Variants in ZNF33B observed in about 807,000 individuals in gnomAD.
ZNF33B encodes the protein zinc finger protein 11b (KOX 2).
In ZNF33B, 29 loss-of-function variants were observed where a neutral mutation model predicts 45.8. The observed-to-expected ratio is 0.63, with a 90% CI of 0.47 to 0.86. ZNF33B has a LOEUF of 0.86. Ranked by LOEUF, ZNF33B falls within the 40% of genes least tolerant of loss-of-function variation. The pLI, the probability that ZNF33B is intolerant of heterozygous loss-of-function variation, is 0.00. For synonymous variants in ZNF33B, 305 were observed against 307.8 expected, an observed-to-expected ratio of 0.99 and a Z score of 0.10; for missense variants, 831 against 909.9, an observed-to-expected ratio of 0.91 and a Z score of 1.12.
At position 42,638,477 on chromosome 10, in the gene ZNF33B, A is replaced by C. The variant is rs1430105262; in HGVS notation, c.-48T>G. The C allele has an allele frequency of 6.9e-6, 3 of 435,672 alleles. No individual in the cohort carries two copies. Among genetic ancestry groups the C allele is most frequent in the South Asian group, 5.0e-5 (3 of 60,008 alleles). 27.0% of individuals were successfully genotyped at this position (435,672 alleles called of 1,614,324 possible). The stretch of plus-strand genomic sequence containing the variant: ...TGCCCAACCCGCGGAGGCTTACCTC[A>C]CTCTCTCTTCGGGTTGCATTCGCCA... On this transcript the variant is annotated 5_prime_UTR_variant, in exon 1 of 5. Coordinates refer to ENST00000359467, the MANE Select transcript of ZNF33B (RefSeq NM_006955.3).
chr10:42,614,507 C>CA (rs1838231292), intron 4 of ZNF33B: 1 of 152,398 alleles, frequency 6.6e-6, no homozygotes, highest in African/African-American at 2.4e-5. Flanking sequence ...ACAGCTGTTG[C>CA]AAACATACCA....
chr10:42,616,040 A>G (rs1405294175), intron 4 of ZNF33B, among the ~76,000 whole-genome samples: 1 of 152,072 alleles, frequency 6.6e-6, no homozygotes, highest in African/African-American at 2.4e-5. Context: ...CCTGGCCAAC[A>G]TGGTGAAAAT....
chr10:42,636,739 G>T, intron 2 of ZNF33B, 181 bp downstream of exon 2: 1 of 754,802 alleles, frequency 1.3e-6, no homozygotes, highest in Non-Finnish European at 2.1e-6. Context: ...TGAATTGCTT[G>T]AACCCAGGAG....
chr10:42,596,729 A>T lies in ZNF33B; in HGVS notation c.251-2030T>A, dbSNP rs1301987290. Among the ~76,000 whole-genome samples, 12 of 152,166 alleles carry T rather than the reference A, an allele frequency of 7.9e-5. No individual in the cohort carries two copies. In the South Asian group the frequency reaches 1.4e-3, roughly 18 times the overall value. Reference sequence around the variant, plus strand: ...GCAAATAGAACTTTTAAAAATTGCAATTTCCAATTGATCATTTCTTATAGA... The same window carrying T: ...GCAAATAGAACTTTTAAAAATTGCATTTTCCAATTGATCATTTCTTATAGA... On this transcript the variant is annotated intron_variant, in intron 4 of 4. Transcript: ENST00000359467.
chr10:42,617,837 G>GGCT (rs3078019), intron 4 of ZNF33B, among the ~76,000 whole-genome samples: 116,892 of 151,738 alleles, frequency 0.77, 45,789 homozygotes, highest in East Asian at 0.88. Flanking sequence ...TGTGATAATT[G>GGCT]GCTAATAGAT....
In ZNF33B at chr10:42,632,357, G is replaced by C; in HGVS notation, c.92C>G (p.Pro31Arg). 3.1e-6 allele frequency: 5 copies of C among 1,613,632 alleles called. No homozygotes were observed. The highest frequency in any genetic ancestry group is 1.3e-5 in the African/African-American group (1 of 74,952). The part of the protein sequence containing the change: ...FTQEEWQHLD[P>R]SQRALYRDVM... ...ATCTCTATACAGAGCCCTCTGACTA[G>C]GGTCCAGGTGCTGCCACTCCTCCTG... The change falls in exon 3 of 5, where the codon CCT becomes CGT. Residue 31 changes from proline (P) to arginine (R), a missense_variant. By Grantham distance (103) the Pro-to-Arg change is moderately radical. Coordinates refer to ENST00000359467, the MANE Select transcript of ZNF33B (RefSeq NM_006955.3).
chr10:42,631,992 T>C lies in ZNF33B; in HGVS notation c.187A>G (p.Arg63Gly), dbSNP rs1839079433. 3 of 1,614,006 alleles carry C rather than the reference T, an allele frequency of 1.9e-6. No homozygotes were observed. The highest frequency in any genetic ancestry group is 2.2e-5 in the South Asian group (2 of 91,094). The change falls in exon 4 of 5, where the codon AGG becomes GGG. Residue 63 changes from arginine to glycine, a missense_variant. Coordinates refer to ENST00000359467, the MANE Select transcript of ZNF33B (RefSeq NM_006955.3). ...YCAHKPEVIF[R>G]LEQGEEPWRL... ...CATGGTTCTTCTCCTTGTTCCAGCCTGAAGATCACCTCTGGTTTGTGAGCA... is the reference window on the plus strand; with the variant it reads ...CATGGTTCTTCTCCTTGTTCCAGCCCGAAGATCACCTCTGGTTTGTGAGCA...
chr10:42,576,861 C>T (rs530636300), intron 1 of ZNF33B, among the ~76,000 whole-genome samples: 3 of 152,032 alleles, frequency 2.0e-5, no homozygotes, highest in South Asian at 2.1e-4. Context: ...GGCCGGGCGC[C>T]GTGGCTCATG....
chr10:42,610,493 G>A (rs960533386), intron 4 of ZNF33B, among the ~76,000 whole-genome samples: 3 of 152,106 alleles, frequency 2.0e-5, no homozygotes, highest in African/African-American at 4.8e-5. Flanking sequence ...AGCCAAGATC[G>A]CGCCATTGCA....
At chr10:42,625,815 T>C (rs563585605) in intron 4 of ZNF33B, among the ~76,000 whole-genome samples, 1 of 152,340 alleles carries the variant, frequency 6.6e-6, no homozygotes, top group Non-Finnish European at 1.5e-5. Flanking sequence ...ATTCTACATA[T>C]ACAGTCATGT....
downstream of ZNF33B, among the ~76,000 whole-genome samples, chr10:42,586,249 G>A (rs969630474): frequency 2.0e-5 from 3 of 148,916 alleles, no homozygotes; most frequent in African/African-American, 7.6e-5. Flanking sequence ...CGCCTCCCAG[G>A]TTCACGCCAT....
Position 42,592,488 on chromosome 10 carries a change from T to A in ZNF33B, c.*125A>T. On this transcript the variant is annotated 3_prime_UTR_variant, in exon 5 of 5. Coordinates refer to ENST00000359467, the MANE Select transcript of ZNF33B (RefSeq NM_006955.3). ...TTTATCCCCTACTGTTACTTTGGAGTAACATAAGGCGAGTTTGTGGATAGT... is the reference window on the plus strand; with the variant it reads ...TTTATCCCCTACTGTTACTTTGGAGAAACATAAGGCGAGTTTGTGGATAGT... 7.5e-7 allele frequency: 1 copy of A among 1,330,502 alleles called. No homozygotes were observed. Among genetic ancestry groups the A allele is most frequent in the African/African-American group, 1.5e-5 (1 of 67,950 alleles). The allele number at this position is 1,330,502 out of a possible 1,614,324, so 82.4% of individuals were successfully genotyped here.
chr10:42,619,015 C>G (rs1371776997), intron 4 of ZNF33B, among the ~76,000 whole-genome samples: 2 of 151,906 alleles, frequency 1.3e-5, no homozygotes, highest in Non-Finnish European at 2.9e-5. Context: ...CTTTGCATAT[C>G]TCATTTTGTT....
intron 1 of ZNF33B, among the ~76,000 whole-genome samples, chr10:42,638,123 G>A (rs573398878): frequency 6.6e-6 from 1 of 152,344 alleles, no homozygotes; most frequent in Middle Eastern, 3.4e-3. Context: ...GACTGCACCC[G>A]CCCTTTCCTA....
At chr10:42,618,031 C>A (rs1838402974) in intron 4 of ZNF33B, among the ~76,000 whole-genome samples, 1 of 152,152 alleles carries the variant, frequency 6.6e-6, no homozygotes, top group African/African-American at 2.4e-5. Flanking sequence ...CTTTCTCAAT[C>A]CACATTTAGA....
At chr10:42,599,047 G>A (rs1463402623) in intron 4 of ZNF33B, among the ~76,000 whole-genome samples, 1 of 152,130 alleles carries the variant, frequency 6.6e-6, no homozygotes, top group African/African-American at 2.4e-5. Context: ...ATTTGTTTTG[G>A]AGCAAGCCGT....
Position 42,632,346 on chromosome 10 carries a change from C to T in ZNF33B, c.103G>A (p.Ala35Thr). The change falls in exon 3 of 5, where the codon GCT becomes ACT. Residue 35 changes from alanine to threonine, a missense_variant. Ala to Thr is a moderately conservative substitution (Grantham distance 58). Transcript: ENST00000359467. ...EWQHLDPSQR[A>T]LYRDVMLENY... ...TCCAGCATCACATCTCTATACAGAG[C>T]CCTCTGACTAGGGTCCAGGTGCTGC... 2 of 1,613,684 alleles carry T rather than the reference C, an allele frequency of 1.2e-6. No homozygotes were observed. The highest frequency in any genetic ancestry group is 1.7e-6 in the Non-Finnish European group (2 of 1,179,898).
At chr10:42,582,899 T>C (rs1253735947) in intron 1 of ZNF33B, 10 of 473,384 alleles carry the variant, frequency 2.1e-5, no homozygotes, top group Admixed American at 1.9e-4. Flanking sequence ...AAACGTCTCT[T>C]TAGGCTGTTT....
In ZNF33B at chr10:42,593,171, T is replaced by C. The variant is rs939568561; in HGVS notation, c.1779A>G (p.Lys593=). Reference sequence around the variant, plus strand: ...TTCTATTATGTTTTGTTAGGTATGATTTATTGTAAAAGATTTTTCCACATT... The same window carrying C: ...TTCTATTATGTTTTGTTAGGTATGACTTATTGTAAAAGATTTTTCCACATT... ...CHECGKIFYN[K]SYLTKHNRTH... The change falls in exon 5 of 5, where the codon AAA becomes AAG. Residue 593 remains lysine (K), a synonymous_variant. Coordinates refer to ENST00000359467, the MANE Select transcript of ZNF33B (RefSeq NM_006955.3). 2 of 1,613,214 alleles carry C rather than the reference T, an allele frequency of 1.2e-6. No individual in the cohort carries two copies. The highest frequency in any genetic ancestry group is 1.7e-6 in the Non-Finnish European group (2 of 1,179,808).
Sources: allele counts gnomAD v4.1 joint callset (sites outside exome capture counted in the v4.1 genomes callset), GRCh38; gene constraint gnomAD v4.1.1; transcripts MANE v1.5; gene names NCBI Gene and HGNC (gene_info 2026-07-23, HGNC 2026-07-21).